PACC1: variants seen among roughly 807,000 people sequenced by gnomAD.
The protein encoded by PACC1 is proton activated chloride channel 1.
A neutral mutation model predicts 39.7 loss-of-function variants in PACC1; 34 were observed. That is an observed-to-expected ratio of 0.86 (90% CI 0.65 to 1.14). The LOEUF is 1.14. Ranked by LOEUF, PACC1 falls within the 50% of genes most tolerant of loss-of-function variation. The pLI is 0.00. For missense variants in PACC1, 379 were observed against 436.4 expected (o/e 0.87, Z 1.17); for synonymous variants, 127 against 160.6 (o/e 0.79, Z 1.58).
chr1:212,385,124 C>T, intron 4 of PACC1, 150 bp downstream of exon 4: 1 of 864,710 alleles, frequency 1.2e-6, no homozygotes, highest in South Asian at 1.7e-5. Flanking sequence ...GCCAAGTGTC[C>T]ACATGGCACA....
chr1:212,396,658 C>T (rs527827239), intron 2 of PACC1, among the ~76,000 whole-genome samples: 3 of 141,258 alleles, frequency 2.1e-5, no homozygotes, highest in Admixed American at 1.4e-4. Flanking sequence ...AAGACAACAA[C>T]TTACAGATCC....
intron 7 of PACC1, among the ~76,000 whole-genome samples, chr1:212,367,892 T>G (rs780411274): frequency 1.3e-5 from 2 of 152,122 alleles, no homozygotes; most frequent in Non-Finnish European, 2.9e-5. Flanking sequence ...CCCAGCCAGC[T>G]TCACCACTGG....
intron 2 of PACC1, chr1:212,387,678 C>G (rs928647577): frequency 1.3e-5 from 2 of 152,920 alleles, no homozygotes; most frequent in Non-Finnish European, 2.9e-5. Context: ...GCCCCGAAAG[C>G]TTTTTGCTTG....
At chr1:212,400,179 C>T (rs192174840) in intron 2 of PACC1, among the ~76,000 whole-genome samples, 5 of 152,102 alleles carry the variant, frequency 3.3e-5, no homozygotes, top group Non-Finnish European at 7.4e-5. Context: ...TATACTACAT[C>T]CAGGCTGAAC....
intron 7 of PACC1, among the ~76,000 whole-genome samples, chr1:212,372,569 A>C (rs1660500307): frequency 6.6e-6 from 1 of 152,194 alleles, no homozygotes; most frequent in African/African-American, 2.4e-5. Flanking sequence ...TTGTTTGCAC[A>C]TGATATGATC....
chr1:212,391,874 A>C (rs1253728990), intron 2 of PACC1, among the ~76,000 whole-genome samples: 1 of 152,208 alleles, frequency 6.6e-6, no homozygotes, highest in Non-Finnish European at 1.5e-5. Context: ...AAATGAAGCG[A>C]GAAGAGAAGT....
chr1:212,385,028 C>T (rs1386126706), intron 4 of PACC1, among the ~76,000 whole-genome samples: 1 of 152,240 alleles, frequency 6.6e-6, no homozygotes. Context: ...GACAGGGTCT[C>T]ACCGCACTGT....
chr1:212,372,104 G>A (rs1660480367), intron 7 of PACC1, among the ~76,000 whole-genome samples: 2 of 151,980 alleles, frequency 1.3e-5, no homozygotes, highest in South Asian at 4.2e-4. Flanking sequence ...GGCCAACATG[G>A]TGAAACCTCA....
chr1:212,390,799 G>A (rs564336639), intron 2 of PACC1, among the ~76,000 whole-genome samples: 5 of 152,306 alleles, frequency 3.3e-5, no homozygotes, highest in South Asian at 2.1e-4. Context: ...ATTATATCCC[G>A]CGCCTGGCTC....
intron 7 of PACC1, among the ~76,000 whole-genome samples, chr1:212,370,652 CTG>C (rs1660415673): frequency 6.6e-6 from 1 of 152,178 alleles, no homozygotes; most frequent in African/African-American, 2.4e-5. Flanking sequence ...ATTTTGGAAA[CTG>C]TACAAATACA....
intron 7 of PACC1, among the ~76,000 whole-genome samples, chr1:212,368,924 C>T (rs1158145641): frequency 2.7e-5 from 4 of 150,438 alleles, no homozygotes; most frequent in East Asian, 2.0e-4. Context: ...CCCAGCTACT[C>T]GGGAGGCTGA....
chr1:212,385,899 T>C (rs1033291168), intron 3 of PACC1, among the ~76,000 whole-genome samples: 4 of 152,154 alleles, frequency 2.6e-5, no homozygotes, highest in Non-Finnish European at 5.9e-5. Flanking sequence ...CAGGCACCTC[T>C]ACTGACAGTA....
chr1:212,377,778 C>T, intron 5 of PACC1, 72 bp from the exon 6 acceptor site: 1 of 1,559,456 alleles, frequency 6.4e-7, no homozygotes, highest in Non-Finnish European at 8.7e-7. Flanking sequence ...GCCCCCACTG[C>T]AAGCTGGTTT....
In PACC1 at chr1:212,382,932, C is replaced by T. The variant is rs1018293343; in HGVS notation, c.495+2342G>A. 2.6e-5 allele frequency among the ~76,000 whole-genome samples: 4 copies of T among 152,196 alleles called. No homozygotes were observed. The East Asian group carries it at 7.7e-4, about 29-fold the overall frequency. On this transcript the variant is annotated intron_variant, in intron 4 of 7. Coordinates refer to ENST00000261455, the MANE Select transcript of PACC1 (RefSeq NM_018252.3). ...AGGAGCTTACTTCATGCCAAGAAGG[C>T]GTCTCACCGGTCCCACCCTGCAGGG...
intron 2 of PACC1, 114 bp from the exon 3 acceptor site, chr1:212,387,214 C>T (rs576419257): frequency 2.3e-5 from 22 of 946,522 alleles, no homozygotes; most frequent in East Asian, 1.6e-4. Flanking sequence ...GTCACCTGCA[C>T]GCCCAACCTT....
intron 2 of PACC1, among the ~76,000 whole-genome samples, chr1:212,388,932 A>G (rs1026251307): frequency 6.6e-6 from 1 of 152,114 alleles, no homozygotes; most frequent in African/African-American, 2.4e-5. Context: ...TAAGCCCCAA[A>G]AGGTATCTGC....
Position 212,385,273 on chromosome 1 carries a change from CCA to C in PACC1, c.494_495del (p.Val165GlufsTer28). 1.2e-6 allele frequency: 2 copies of C among 1,613,918 alleles called. No homozygotes were observed. The highest frequency in any genetic ancestry group is 1.7e-4 in the Middle Eastern group (1 of 5,936). On this transcript the variant is annotated frameshift_variant and splice_region_variant, in exon 4 of 8. Transcript: ENST00000261455. LOFTEE classifies it high-confidence loss of function. Reference protein sequence around the residue: ...NYTDPFSNQTVKSALIVQGPR... With the variant: ...NYTDPFSNQTXKSALIVQGPR... ...ACCCAGCTCAGGCAGACAGGAATTA[CCA>C]CAGTCTGATTGGAGAAGGGGTCCGT...
intron 3 of PACC1, 88 bp from the exon 4 acceptor site, chr1:212,385,513 G>C: frequency 2.1e-6 from 3 of 1,403,478 alleles, no homozygotes; most frequent in South Asian, 2.4e-5. Context: ...AACAACCTAC[G>C]TTCTGGACTC....
chr1:212,388,242 C>G (rs972793218), intron 2 of PACC1, among the ~76,000 whole-genome samples: 1 of 152,042 alleles, frequency 6.6e-6, no homozygotes, highest in African/African-American at 2.4e-5. Context: ...TCCATGAGGG[C>G]AGGGATGGGG....
Sources: gnomAD v4.1 joint callset for allele counts (sites outside exome capture counted in the v4.1 genomes callset) on GRCh38, gnomAD v4.1.1 for gene constraint, MANE v1.5 for transcripts, NCBI Gene and HGNC (gene_info 2026-07-23, HGNC 2026-07-21) for gene names.